The following PIGL variants were observed in gnomAD, a reference collection of about 807,000 sequenced individuals.
PIGL encodes phosphatidylinositol glycan anchor biosynthesis class L.
PIGL carries 22 observed loss-of-function variants against 31.1 expected under a neutral mutation model. The observed-to-expected ratio is 0.71, with a 90% CI of 0.51 to 1.01. PIGL has a LOEUF of 1.01. Ranked by LOEUF, PIGL falls within the 50% of genes least tolerant of loss-of-function variation. The probability of loss-of-function intolerance (pLI) is 0.00; values close to 1 mark genes in which losing one functional copy is unlikely to be tolerated. For missense variants in PIGL, 302 were observed against 315.9 expected (o/e 0.96, Z 0.33); for synonymous variants, 131 against 117.4 (o/e 1.12, Z -0.75).
chr17:16,297,045 G>T (rs565500721), intron 2 of PIGL, among the ~76,000 whole-genome samples: 62 of 152,282 alleles, frequency 4.1e-4, no homozygotes, highest in Admixed American at 1.2e-3. Context: ...AATGCTTTCT[G>T]ACCTGTGTTA....
At chr17:16,227,082 G>T (rs941528592) in intron 1 of PIGL, among the ~76,000 whole-genome samples, 6 of 151,618 alleles carry the variant, frequency 4.0e-5, no homozygotes, top group Non-Finnish European at 7.4e-5. Context: ...CTTATTAGGG[G>T]TTATTTTTAA....
chr17:16,286,419 C>A (rs1438777853), intron 2 of PIGL, among the ~76,000 whole-genome samples: 2 of 152,160 alleles, frequency 1.3e-5, no homozygotes, highest in African/African-American at 2.4e-5. Context: ...ACTGAACGGA[C>A]CCACAACCCC....
chr17:16,309,029 G>T (rs112631778), intron 3 of PIGL, among the ~76,000 whole-genome samples: 2 of 152,152 alleles, frequency 1.3e-5, no homozygotes, highest in African/African-American at 4.8e-5. Context: ...GGGGTCAAGC[G>T]ATCCTCCTAC....
At chr17:16,257,592 A>T (rs2092799672) in intron 2 of PIGL, among the ~76,000 whole-genome samples, 1 of 151,964 alleles carries the variant, frequency 6.6e-6, no homozygotes, top group African/African-American at 2.4e-5. Flanking sequence ...GGTTGACAGT[A>T]ATAGGCAGGA....
intron 3 of PIGL, chr17:16,312,836 A>C (rs2093060032): frequency 6.8e-6 from 1 of 148,106 alleles, no homozygotes. Flanking sequence ...TAGGAGAATC[A>C]GGCAGGGAGG....
intron 2 of PIGL, among the ~76,000 whole-genome samples, chr17:16,264,819 G>T (rs1241560733): frequency 6.6e-6 from 1 of 151,342 alleles, no homozygotes; most frequent in Non-Finnish European, 1.5e-5. Context: ...GCTAATGGGG[G>T]TTTCACCGTG....
intron 2 of PIGL, among the ~76,000 whole-genome samples, chr17:16,288,811 T>A (rs1049636242): frequency 6.6e-6 from 1 of 152,254 alleles, no homozygotes; most frequent in African/African-American, 2.4e-5. Flanking sequence ...AGTGCTGGGA[T>A]TACAGGCGTG....
chr17:16,296,221 G>C (rs2092981350), intron 2 of PIGL, among the ~76,000 whole-genome samples: 1 of 152,264 alleles, frequency 6.6e-6, no homozygotes, highest in East Asian at 1.9e-4. Context: ...ACCTCAATGA[G>C]TCATCTTACA....
intron 2 of PIGL, among the ~76,000 whole-genome samples, chr17:16,297,128 G>T (rs546173635): frequency 1.3e-5 from 2 of 152,188 alleles, no homozygotes; most frequent in African/African-American, 4.8e-5. Context: ...AAACTTGAAC[G>T]TGTGACCAAG....
chr17:16,316,730 T>G lies in PIGL; in HGVS notation c.526+18T>G. On this transcript the variant is annotated intron_variant, in intron 5 of 6. Coordinates refer to ENST00000225609, the MANE Select transcript of PIGL (RefSeq NM_004278.4). The stretch of plus-strand genomic sequence containing the variant: ...ACCTAAAGGTAAGGCTTGTTCCTTT[T>G]GCAAAGGGCCACAAGATACTGTCCC... 1 of 1,609,920 alleles carries G rather than the reference T, an allele frequency of 6.2e-7. No individual in the cohort carries two copies. The highest frequency in any genetic ancestry group is 8.5e-7 in the Non-Finnish European group (1 of 1,176,562).
chr17:16,325,284 G>A (rs1223054722), intron 6 of PIGL, among the ~76,000 whole-genome samples: 1 of 138,060 alleles, frequency 7.2e-6, no homozygotes, highest in African/African-American at 2.7e-5. Flanking sequence ...GGCAGAGCTT[G>A]CAGTGAGCCA....
At chr17:16,243,672 G>T (rs1316100626) in intron 2 of PIGL, among the ~76,000 whole-genome samples, 5 of 152,200 alleles carry the variant, frequency 3.3e-5, no homozygotes, top group Admixed American at 2.6e-4. Context: ...ACATGGTTTT[G>T]AGTTAATTTG....
chr17:16,295,666 A>G (rs568723148), intron 2 of PIGL, among the ~76,000 whole-genome samples: 9 of 152,060 alleles, frequency 5.9e-5, no homozygotes, highest in African/African-American at 2.2e-4. Context: ...ATTATCAGCC[A>G]GGTGTGGTGG....
chr17:16,276,605 C>T (rs370316029), intron 2 of PIGL, among the ~76,000 whole-genome samples: 31 of 152,088 alleles, frequency 2.0e-4, no homozygotes, highest in African/African-American at 6.3e-4. Context: ...GGCGTGGTGG[C>T]GGGCACCTGT....
At chr17:16,226,242 TA>T (rs1179502837) in intron 1 of PIGL, among the ~76,000 whole-genome samples, 12 of 152,172 alleles carry the variant, frequency 7.9e-5, no homozygotes, top group African/African-American at 2.9e-4. Context: ...CAATGTTTAG[TA>T]CCTCATTTGG....
At chr17:16,232,986 C>T (rs1017395578) in intron 1 of PIGL, among the ~76,000 whole-genome samples, 7 of 151,786 alleles carry the variant, frequency 4.6e-5, no homozygotes, top group Non-Finnish European at 8.8e-5. Context: ...GGTGTGGTGG[C>T]GGGTGCCTGT....
intron 2 of PIGL, among the ~76,000 whole-genome samples, chr17:16,263,481 CTT>C (rs1318197544): frequency 6.6e-6 from 1 of 151,362 alleles, no homozygotes; most frequent in Non-Finnish European, 1.5e-5. Context: ...AAATTATACA[CTT>C]TGTTTTATTG....
chr17:16,253,379 C>T (rs531010942), intron 2 of PIGL, among the ~76,000 whole-genome samples: 13 of 152,266 alleles, frequency 8.5e-5, no homozygotes, highest in African/African-American at 2.9e-4. Context: ...ACTTGAAGGT[C>T]TAAAAGCTGT....
At chr17:16,287,864 C>A (rs2092944571) in intron 2 of PIGL, among the ~76,000 whole-genome samples, 1 of 152,224 alleles carries the variant, frequency 6.6e-6, no homozygotes, top group Non-Finnish European at 1.5e-5. Flanking sequence ...CCTCTTTCCA[C>A]TCCAATTGCG....
Sources: allele counts gnomAD v4.1 joint callset (sites outside exome capture counted in the v4.1 genomes callset), GRCh38; gene constraint gnomAD v4.1.1; transcripts MANE v1.5; gene names NCBI Gene and HGNC (gene_info 2026-07-23, HGNC 2026-07-21).